Variants in APC observed in about 807,000 individuals in gnomAD.
APC encodes the protein adenomatous polyposis coli protein.
APC carries 72 observed loss-of-function variants against 247.0 expected under a neutral mutation model. That is an observed-to-expected ratio of 0.29 (90% CI 0.24 to 0.35). APC has a LOEUF of 0.35. Among genes scored for constraint, APC ranks in the 10% least tolerant of loss-of-function variants. APC has a pLI of 1.00. For missense variants in APC, 3,400 were observed against 3,360.7 expected, an observed-to-expected ratio of 1.01 and a Z score of -0.29; for synonymous variants, 1,254 against 1,162.5, an observed-to-expected ratio of 1.08 and a Z score of -1.60.
intron 6 of APC, among the ~76,000 whole-genome samples, chr5:112,790,584 C>T (rs574916850): frequency 6.6e-6 from 1 of 152,248 alleles, no homozygotes; most frequent in East Asian, 1.9e-4. Flanking sequence ...CTGCCTCGGC[C>T]TCCTGAAGTG....
At chr5:112,802,169 T>A (rs1001475280) in intron 8 of APC, among the ~76,000 whole-genome samples, 1 of 152,114 alleles carries the variant, frequency 6.6e-6, no homozygotes, top group African/African-American at 2.4e-5. Context: ...ATTTTCTTAG[T>A]CTCTCTAGGT....
Position 112,843,800 on chromosome 5 carries a change from A to G in APC, c.8206A>G (p.Thr2736Ala), listed in dbSNP as rs1766677689. The G allele has an allele frequency of 6.2e-7, 1 of 1,614,102 alleles. No individual in the cohort carries two copies. Residue 2736 changes from threonine (T) to alanine (A), a missense_variant, in exon 16 of 16, where the codon ACT becomes GCT. Thr to Ala is a moderately conservative substitution (Grantham distance 58). Transcript: ENST00000257430. This position sits in a 1 kb window ranked among gnomAD's most constrained non-coding sequence, Gnocchi z 4.8. ...GGTGGATGCCCCTGACCAAAAAGGA[A>G]CTGAGATAAAACCAGGACAAAATAA... ...IQVDAPDQKG[T>A]EIKPGQNNPV... is the part of the protein sequence containing the mutation.
intron 1 of APC, 56 bp from the exon 2 acceptor site, chr5:112,754,817 C>T (rs79234413): frequency 6.4e-7 from 1 of 1,554,178 alleles, no homozygotes; most frequent in Admixed American, 1.7e-5. Context: ...TCTTTAAAAA[C>T]AAGCAGCCAC....
chr5:112,798,025 A>C (rs994633475), intron 7 of APC, among the ~76,000 whole-genome samples: 5 of 152,190 alleles, frequency 3.3e-5, no homozygotes, highest in African/African-American at 1.2e-4. Flanking sequence ...TGATTCCTCA[A>C]AATATTAAAC....
At chr5:112,782,074 G>A (rs550748262) in intron 6 of APC, among the ~76,000 whole-genome samples, 168 of 152,332 alleles carry the variant, frequency 1.1e-3, no homozygotes, top group Middle Eastern at 6.8e-3. Flanking sequence ...CCGAGACTGG[G>A]CAGTTTACAA....
Position 112,767,288 on chromosome 5 carries a change from C to G in APC, c.320C>G (p.Ser107Cys), listed in dbSNP as rs774416950. ...GSREGSVSSR[S>C]GECSPVPMGS... Reference sequence around the variant, plus strand: ...CGGGAAGGATCTGTATCAAGCCGTTCTGGAGAGTGCAGTCCTGTTCCTATG... The same window carrying G: ...CGGGAAGGATCTGTATCAAGCCGTTGTGGAGAGTGCAGTCCTGTTCCTATG... The change falls in exon 4 of 16, where the codon TCT becomes TGT. Residue 107 changes from serine to cysteine, a missense_variant. Ser to Cys is a moderately radical substitution (Grantham distance 112, BLOSUM62 -1). This residue lies in a region of APC where 372 missense variants were observed against 367.6 expected (regional missense o/e 1.01). Transcript: ENST00000257430. The G allele has an allele frequency of 1.2e-6, 2 of 1,614,132 alleles. No individual in the cohort carries two copies. Among genetic ancestry groups the G allele is most frequent in the Non-Finnish European group, 1.7e-6 (2 of 1,179,998 alleles).
intron 2 of APC, among the ~76,000 whole-genome samples, chr5:112,762,119 A>G (rs926861064): frequency 6.6e-6 from 1 of 152,222 alleles, no homozygotes; most frequent in Non-Finnish European, 1.5e-5. Context: ...AAAGAAAGAT[A>G]AATGGCAGAT....
intron 4 of APC, among the ~76,000 whole-genome samples, chr5:112,771,340 T>C (rs1001651422): frequency 1.3e-5 from 2 of 152,158 alleles, no homozygotes; most frequent in Non-Finnish European, 2.9e-5. Context: ...TTGGAGCCAA[T>C]GAATTTTTCT....
rs587782868 is a variant in APC at position 112,827,951 on chromosome 5, G to T, written c.1571G>T (p.Gly524Val). The T allele has an allele frequency of 6.2e-7, 1 of 1,613,252 alleles. No homozygotes were observed. Among genetic ancestry groups the T allele is most frequent in the Non-Finnish European group, 8.5e-7 (1 of 1,179,792 alleles). Reference sequence around the variant, plus strand: ...CAGGCTACGCTATGCTCTATGAAAGGCTGCATGAGAGCACTTGTGGCCCAA... The same window carrying T: ...CAGGCTACGCTATGCTCTATGAAAGTCTGCATGAGAGCACTTGTGGCCCAA... ...ANKATLCSMK[G>V]CMRALVAQLK... Residue 524 changes from glycine to valine, a missense_variant, in exon 13 of 16, where the codon GGC (glycine) becomes GTC (valine). Gly to Val is a moderately radical substitution (Grantham distance 109). Around this residue, in one of 9 missense-constraint regions of APC, gnomAD observed 184 missense variants for 248.0 expected, o/e 0.74. Coordinates refer to ENST00000257430, the MANE Select transcript of APC (RefSeq NM_000038.6).
At chr5:112,759,969 C>G (rs563724388) in intron 2 of APC, among the ~76,000 whole-genome samples, 54 of 152,202 alleles carry the variant, frequency 3.5e-4, no homozygotes, top group Non-Finnish European at 6.5e-4. Flanking sequence ...CTAGAAAACA[C>G]TGGATAAAAT....
chr5:112,827,886 A>G lies in APC; in HGVS notation c.1549-43A>G, dbSNP rs745703804. 4.5e-6 allele frequency: 7 copies of G among 1,542,738 alleles called. No individual in the cohort carries two copies. The Admixed American group carries it at 1.0e-4, about 22-fold the overall frequency. ...TAGCCAAAAATAAAGCTTGGCTTCAAGTTGTCTTTTTAATGATCCTCTATT... is the reference window on the plus strand; with the variant it reads ...TAGCCAAAAATAAAGCTTGGCTTCAGGTTGTCTTTTTAATGATCCTCTATT... On this transcript the variant is annotated intron_variant, in intron 12 of 15. Coordinates refer to ENST00000257430, the MANE Select transcript of APC (RefSeq NM_000038.6).
In APC at chr5:112,839,380, T is replaced by C. The variant is rs147411334; in HGVS notation, c.3786T>C (p.Tyr1262=). 129 of 1,614,100 alleles carry C rather than the reference T, an allele frequency of 8.0e-5. 1 individual carries two copies. The highest frequency in any genetic ancestry group is 4.9e-4 in the Middle Eastern group (3 of 6,062). Residue 1262 remains tyrosine, a synonymous_variant, in exon 16 of 16, where the codon TAT becomes TAC. Coordinates refer to ENST00000257430, the MANE Select transcript of APC (RefSeq NM_000038.6). The surrounding 1 kb of genome is among the most constrained non-coding windows in gnomAD (Gnocchi z 5.0). ...SSINQETIQT[Y]CVEDTPICFS... ...TTAACCAAGAAACAATACAGACTTATTGTGTAGAAGATACTCCAATATGTT... is the reference window on the plus strand; with the variant it reads ...TTAACCAAGAAACAATACAGACTTACTGTGTAGAAGATACTCCAATATGTT...
intron 8 of APC, among the ~76,000 whole-genome samples, chr5:112,804,893 A>ACC (rs1761213010): frequency 6.6e-6 from 1 of 152,094 alleles, no homozygotes; most frequent in Non-Finnish European, 1.5e-5. Context: ...GTGTGGGAGG[A>ACC]TCACTTGAGC....
chr5:112,753,696 T>C (rs1022479701), intron 1 of APC, among the ~76,000 whole-genome samples: 1 of 152,074 alleles, frequency 6.6e-6, no homozygotes, highest in African/African-American at 2.4e-5. Context: ...CTAAGATGAG[T>C]CCCCTGATTT....
At chr5:112,784,687 A>C (rs1346216980) in intron 6 of APC, among the ~76,000 whole-genome samples, 2 of 152,216 alleles carry the variant, frequency 1.3e-5, no homozygotes, top group Non-Finnish European at 2.9e-5. Flanking sequence ...CTGGAAGAGG[A>C]GATCTCAGGA....
At chr5:112,819,542 A>G (rs1003419033) in intron 10 of APC, among the ~76,000 whole-genome samples, 198 bp downstream of exon 10, 15 of 152,220 alleles carry the variant, frequency 9.9e-5, no homozygotes, top group Non-Finnish European at 1.2e-4. Flanking sequence ...TGTTATGTGC[A>G]CTACTATAAG....
chr5:112,836,172 C>G (rs1231455293), intron 15 of APC, among the ~76,000 whole-genome samples: 1 of 71,886 alleles, frequency 1.4e-5, no homozygotes, highest in African/African-American at 4.2e-5. Flanking sequence ...AGGTCCCCCC[C>G]CCCCCCCGCC....
At chr5:112,824,052 A>G (rs1763404753) in intron 11 of APC, among the ~76,000 whole-genome samples, 1 of 152,256 alleles carries the variant, frequency 6.6e-6, no homozygotes, top group Non-Finnish European at 1.5e-5. Flanking sequence ...AACAAAAGCA[A>G]TATGCTTTTT....
chr5:112,788,821 A>G (rs1041782151), intron 6 of APC, among the ~76,000 whole-genome samples: 25 of 152,196 alleles, frequency 1.6e-4, no homozygotes, highest in Non-Finnish European at 3.1e-4. Context: ...ATTTTATTAT[A>G]TCATCGCCGG....
Sources: gnomAD v4.1 joint callset for allele counts (sites outside exome capture counted in the v4.1 genomes callset) on GRCh38, gnomAD v4.1.1 for gene constraint, gnomAD v4.1.1 regional missense constraint, Gnocchi (gnomAD v3.1) non-coding constraint, MANE v1.5 for transcripts, NCBI Gene and HGNC (gene_info 2026-07-23, HGNC 2026-07-21) for gene names.